FAM209A: variants seen among roughly 807,000 people sequenced by gnomAD.
The protein encoded by FAM209A is protein FAM209A.
A neutral mutation model predicts 9.8 loss-of-function variants in FAM209A; 4 were observed. The observed-to-expected ratio is 0.41, with a 90% confidence interval of 0.20 to 0.94. The LOEUF (loss-of-function observed/expected upper bound fraction) is 0.94, where lower values mean the gene tolerates loss of function less well. FAM209A is among the 40% of genes least tolerant of loss of function. The pLI, the probability that FAM209A is intolerant of heterozygous loss-of-function variation, is 0.32. For synonymous variants in FAM209A, 55 were observed against 77.8 expected (o/e 0.71, Z 1.54); for missense variants, 205 against 209.4 (o/e 0.98, Z 0.13).
intron 1 of FAM209A, among the ~76,000 whole-genome samples, 174 bp downstream of exon 1, chr20:56,525,231 C>T (rs1473391503): frequency 1.3e-5 from 2 of 152,102 alleles, no homozygotes; most frequent in Non-Finnish European, 2.9e-5. Context: ...GACAATTGTC[C>T]CCAGATCCAC....
chr20:56,533,407 C>T, the FAM209A span: 4 of 1,614,126 alleles, frequency 2.5e-6, no homozygotes, highest in Non-Finnish European at 2.5e-6. Flanking sequence ...CCTTTATGTT[C>T]TCTTCTCTGA....
rs1274457201 is a variant in FAM209A at position 56,524,881 on chromosome 20, C to T, written c.73C>T (p.Leu25=). The T allele has an allele frequency of 1.4e-5, 22 of 1,614,090 alleles. No individual in the cohort carries two copies. In the Admixed American group the frequency reaches 3.5e-4, roughly 26 times the overall value. Residue 25 remains leucine, a synonymous_variant, in exon 1 of 2, where the codon CTG becomes TTG. Transcript: ENST00000371328. The part of the protein sequence containing the change: ...TCSYAFMFSS[L]RQKTSEPQGK... ...CAGCTATGCCTTTATGTTCTCTTCT[C>T]TGAGACAGAAAACTAGCGAACCCCA...
chr20:56,527,317 G>T (rs1484228113), downstream of FAM209A, among the ~76,000 whole-genome samples: 2 of 152,022 alleles, frequency 1.3e-5, no homozygotes, highest in African/African-American at 4.8e-5. Flanking sequence ...CCTCTTTTGA[G>T]CAATTCCTTA....
At chr20:56,526,833 G>A (rs919738158), downstream of FAM209A, among the ~76,000 whole-genome samples, 4 of 152,102 alleles carry the variant, frequency 2.6e-5, no homozygotes, top group African/African-American at 7.2e-5. Flanking sequence ...TTGGGAGGCC[G>A]AGGCAGGAGG....
downstream of FAM209A, chr20:56,526,292 G>A (rs1031277356): frequency 1.4e-5 from 8 of 585,334 alleles, no homozygotes; most frequent in Admixed American, 3.6e-5. Context: ...GAAGAACACC[G>A]AAAGCTACAT....
chr20:56,529,237 C>T (rs1985658895), downstream of FAM209A, among the ~76,000 whole-genome samples: 1 of 151,098 alleles, frequency 6.6e-6, no homozygotes, highest in South Asian at 2.1e-4. Flanking sequence ...TATTCTTAGG[C>T]TGGGTGTGGT....
chr20:56,526,570 A>T (rs1481283805), downstream of FAM209A, among the ~76,000 whole-genome samples: 1 of 151,996 alleles, frequency 6.6e-6, no homozygotes, highest in African/African-American at 2.4e-5. Context: ...CCTTTCACTC[A>T]TTCCCTGTCA....
the FAM209A span, chr20:56,533,524 C>G: frequency 2.5e-6 from 4 of 1,614,208 alleles, 1 homozygote; most frequent in Non-Finnish European, 3.4e-6. Context: ...GCAAATGGCT[C>G]TGGCTTTTGT....
chr20:56,525,956 A>T lies in FAM209A; in HGVS notation c.402A>T (p.Lys134Asn). ...TTGTGTCCAAAGTGCGGAATCTTAAACGTGCCATGGCAACAGGTAGTGGCA... is the reference window on the plus strand; with the variant it reads ...TTGTGTCCAAAGTGCGGAATCTTAATCGTGCCATGGCAACAGGTAGTGGCA... The part of the protein sequence containing the change: ...MKFVSKVRNL[K>N]RAMATGSGSN... The change falls in exon 2 of 2, where the codon AAA (lysine) becomes AAT (asparagine). Residue 134 changes from lysine (K) to asparagine (N), a missense_variant. By Grantham distance (94) the Lys-to-Asn change is moderately conservative. Transcript: ENST00000371328. 3.7e-6 allele frequency: 6 copies of T among 1,614,162 alleles called. No homozygotes were observed. Among genetic ancestry groups the T allele is most frequent in the Non-Finnish European group, 3.4e-6 (4 of 1,180,032 alleles).
At chr20:56,529,732 G>A (rs973160778), downstream of FAM209A, among the ~76,000 whole-genome samples, 2 of 152,180 alleles carry the variant, frequency 1.3e-5, no homozygotes, top group African/African-American at 2.4e-5. Context: ...AGGAGGCTGA[G>A]GCAGGAGAAT....
Position 56,525,890 on chromosome 20 carries a change from A to G in FAM209A, c.336A>G (p.Ala112=). 6.2e-7 allele frequency: 1 copy of G among 1,614,246 alleles called. No homozygotes were observed. Among genetic ancestry groups the G allele is most frequent in the Non-Finnish European group, 8.5e-7 (1 of 1,180,038 alleles). Residue 112 remains alanine (A), a synonymous_variant, in exon 2 of 2, where the codon GCA becomes GCG. Transcript: ENST00000371328. ...KRNASPNKDC[A]FNTLMELEVE... ...ATGCTTCCCCCAACAAAGACTGTGC[A>G]TTCAATACCTTAATGGAACTCGAGG...
At chr20:56,532,474 C>CTTTTTCT in the FAM209A span, among the ~76,000 whole-genome samples, 5 of 130,866 alleles carry the variant, frequency 3.8e-5, no homozygotes, top group African/African-American at 8.8e-5. Context: ...CTTTCTTTTT[C>CTTTTTCT]TTTTTCTTTT....
chr20:56,530,663 A>ATTTTTTT (rs34007542), downstream of FAM209A, among the ~76,000 whole-genome samples: 3 of 138,226 alleles, frequency 2.2e-5, no homozygotes, highest in African/African-American at 2.7e-5. Context: ...CACTCAGCTA[A>ATTTTTTT]TTTTTTTTTT....
downstream of FAM209A, among the ~76,000 whole-genome samples, chr20:56,526,537 T>C (rs1022590882): frequency 3.3e-5 from 5 of 152,158 alleles, no homozygotes; most frequent in African/African-American, 1.2e-4. Flanking sequence ...TCTAGAGTTA[T>C]CTGATTCTCT....
chr20:56,527,258 G>A (rs572194849), downstream of FAM209A, among the ~76,000 whole-genome samples: 6 of 151,810 alleles, frequency 4.0e-5, no homozygotes, highest in Middle Eastern at 3.4e-3. Context: ...CACCTTTGGC[G>A]TTAGGAGCTG....
downstream of FAM209A, among the ~76,000 whole-genome samples, chr20:56,527,452 C>G (rs573352413): frequency 1.3e-5 from 2 of 152,330 alleles, no homozygotes; most frequent in Non-Finnish European, 2.9e-5. Flanking sequence ...CCTCCTGCAG[C>G]CAGGATCATG....
downstream of FAM209A, among the ~76,000 whole-genome samples, chr20:56,526,619 A>G (rs1396037862): frequency 6.6e-6 from 1 of 151,546 alleles, no homozygotes; most frequent in South Asian, 2.1e-4. Flanking sequence ...CTACCACACT[A>G]GCAGTTACAT....
downstream of FAM209A, among the ~76,000 whole-genome samples, chr20:56,529,983 T>C (rs1355901964): frequency 6.6e-6 from 1 of 152,226 alleles, no homozygotes; most frequent in African/African-American, 2.4e-5. Flanking sequence ...ATAGTGCCCC[T>C]GCACTCCAGC....
chr20:56,530,844 T>G (rs1985720559), downstream of FAM209A, among the ~76,000 whole-genome samples: 1 of 151,900 alleles, frequency 6.6e-6, no homozygotes, highest in African/African-American at 2.4e-5. Context: ...TCCACAGAGC[T>G]CAGTACAATT....
Sources: gnomAD v4.1 joint callset for allele counts (sites outside exome capture counted in the v4.1 genomes callset) on GRCh38, gnomAD v4.1.1 for gene constraint, MANE v1.5 for transcripts, NCBI Gene and HGNC (gene_info 2026-07-23, HGNC 2026-07-21) for gene names.